The following SYK variants were observed in gnomAD, a reference collection of about 807,000 sequenced individuals.
SYK encodes spleen associated tyrosine kinase.
In SYK, 16 loss-of-function variants were observed where a neutral mutation model predicts 77.8. That is an observed-to-expected ratio of 0.21 (90% CI 0.14 to 0.31). SYK has a LOEUF of 0.31. SYK is among the 10% of genes least tolerant of loss of function. SYK has a pLI of 1.00. For missense variants in SYK, 529 were observed against 814.4 expected (o/e 0.65, Z 4.26); for synonymous variants, 312 against 308.7 (o/e 1.01, Z -0.11).
chr9:90,803,023 C>T (rs1055469820), intron 1 of SYK, among the ~76,000 whole-genome samples: 2 of 152,124 alleles, frequency 1.3e-5, no homozygotes, highest in Non-Finnish European at 2.9e-5. Context: ...TGTCCTCCTT[C>T]TCCCCAGTGA....
intron 13 of SYK, among the ~76,000 whole-genome samples, chr9:90,889,547 A>T (rs1040903677): frequency 1.3e-5 from 2 of 152,074 alleles, no homozygotes; most frequent in African/African-American, 4.8e-5. Context: ...TCCCCTCCCC[A>T]CCCTGGGAGT....
intron 3 of SYK, among the ~76,000 whole-genome samples, chr9:90,848,973 C>T (rs534294722): frequency 2.0e-5 from 3 of 152,318 alleles, no homozygotes; most frequent in Non-Finnish European, 2.9e-5. Flanking sequence ...ATGGCAAATT[C>T]GAATGCCCTG....
intron 3 of SYK, among the ~76,000 whole-genome samples, chr9:90,853,817 C>T (rs1022463516): frequency 3.3e-5 from 5 of 151,980 alleles, no homozygotes; most frequent in Admixed American, 1.3e-4. Flanking sequence ...CACATGTATA[C>T]ATATGTAACT....
intron 3 of SYK, among the ~76,000 whole-genome samples, chr9:90,854,470 G>T (rs1310337269): frequency 3.3e-5 from 5 of 152,152 alleles, no homozygotes; most frequent in Non-Finnish European, 5.9e-5. Context: ...TCCTAAAGTT[G>T]CAAGAACATC....
rs1242691261 is a variant in SYK at position 90,897,455 on chromosome 9, G to T, written c.*1855G>T. 4.3e-6 allele frequency: 1 copy of T among 232,372 alleles called. No homozygotes were observed. The highest frequency in any genetic ancestry group is 8.5e-6 in the Non-Finnish European group (1 of 117,586). The allele number at this position is 232,372 out of a possible 1,614,324, so 14.4% of individuals were successfully genotyped here. A position where few individuals can be genotyped will look rare whatever the true frequency, so the allele number is the denominator to read the frequency against. On this transcript the variant is annotated 3_prime_UTR_variant, in exon 14 of 14. Coordinates refer to ENST00000375754, the MANE Select transcript of SYK (RefSeq NM_003177.7). ...GTGTAAAATTATGAAAGGAGTGGTT[G>T]GATGTGCCAAGTTTGGTAAAGTGGT...
At chr9:90,843,690 A>G (rs1489332900) in intron 1 of SYK, among the ~76,000 whole-genome samples, 168 bp from the exon 2 acceptor site, 1 of 152,200 alleles carries the variant, frequency 6.6e-6, no homozygotes, top group Non-Finnish European at 1.5e-5. Flanking sequence ...AACTGTAATG[A>G]TGATGTGAAC....
chr9:90,894,779 T>C (rs1383317827), intron 13 of SYK, among the ~76,000 whole-genome samples: 1 of 152,272 alleles, frequency 6.6e-6, no homozygotes, highest in Non-Finnish European at 1.5e-5. Flanking sequence ...CCAACTGATC[T>C]GTACAGGATG....
Position 90,845,533 on chromosome 9 carries a change from A to C in SYK, c.517A>C (p.Ile173Leu). ...HEKMPWFHGK[I>L]SREESEQIVL... ...AAAAATGCCTTGGTTCCATGGAAAA[A>C]TCTCTCGGGAAGAATCTGAGCAAAT... The change falls in exon 3 of 14, where the codon ATC becomes CTC. Residue 173 changes from isoleucine (I) to leucine (L), a missense_variant. Around this residue, in one of 2 missense-constraint regions of SYK, gnomAD observed 321 missense variants for 433.1 expected, o/e 0.74. Coordinates refer to ENST00000375754, the MANE Select transcript of SYK (RefSeq NM_003177.7). 1 of 1,614,132 alleles carries C rather than the reference A, an allele frequency of 6.2e-7. No homozygotes were observed. The highest frequency in any genetic ancestry group is 8.5e-7 in the Non-Finnish European group (1 of 1,180,018).
rs2118887477 is a variant in SYK at position 90,877,619 on chromosome 9, C to T, written c.1230C>T (p.Asp410=). The change falls in exon 10 of 14, where the codon GAC becomes GAT. Residue 410 remains aspartate (D), a synonymous_variant. Coordinates refer to ENST00000375754, the MANE Select transcript of SYK (RefSeq NM_003177.7). ...AAATACTGAAAAACGAGGCCAATGA[C>T]CCCGCTCTTAAAGATGAGTTATTAG... ...AVKILKNEAN[D]PALKDELLAE... 2 of 1,614,222 alleles carry T rather than the reference C, an allele frequency of 1.2e-6. No individual in the cohort carries two copies.
At chr9:90,806,250 A>C (rs1824829318) in intron 1 of SYK, among the ~76,000 whole-genome samples, 1 of 152,124 alleles carries the variant, frequency 6.6e-6, no homozygotes, top group Admixed American at 6.5e-5. Context: ...CAGATATACC[A>C]AGTAATCTCA....
At chr9:90,887,405 C>CTT (rs3056951) in intron 11 of SYK, among the ~76,000 whole-genome samples, 49,033 of 128,688 alleles carry the variant, frequency 0.38, 10,009 homozygotes, top group Middle Eastern at 0.53. Context: ...TTCTTTCTTT[C>CTT]TTTTTTTTTT....
chr9:90,842,049 TG>T (rs1826380549), intron 1 of SYK, among the ~76,000 whole-genome samples: 1 of 134,798 alleles, frequency 7.4e-6, no homozygotes, highest in South Asian at 2.4e-4. Flanking sequence ...TACGTGTAGT[TG>T]GTGTGTGTGA....
chr9:90,803,265 G>C (rs555906514), intron 1 of SYK, among the ~76,000 whole-genome samples: 1 of 152,124 alleles, frequency 6.6e-6, no homozygotes, highest in Non-Finnish European at 1.5e-5. Flanking sequence ...GTATTTGAAT[G>C]AGAGATTATA....
In SYK at chr9:90,897,497, G is replaced by C. The variant is rs964151731; in HGVS notation, c.*1897G>C. ...TAAAGTGGTGACTGCATCTGAGAAA[G>C]AGGCTGTGAGGCTGAACTCTTGGTG... is the stretch of plus-strand genomic sequence containing the variant. On this transcript the variant is annotated 3_prime_UTR_variant, in exon 14 of 14. Coordinates refer to ENST00000375754, the MANE Select transcript of SYK (RefSeq NM_003177.7). The C allele has an allele frequency of 4.3e-6, 1 of 232,336 alleles. No individual in the cohort carries two copies. The highest frequency in any genetic ancestry group is 5.6e-5 in the Admixed American group (1 of 17,778). The allele number at this position is 232,336 out of a possible 1,614,324, so 14.4% of individuals were successfully genotyped here. A position where few individuals can be genotyped will look rare whatever the true frequency, so the allele number is the denominator to read the frequency against.
At chr9:90,878,629 G>T in intron 10 of SYK, 135 bp from the exon 11 acceptor site, 1 of 663,740 alleles carries the variant, frequency 1.5e-6, no homozygotes, top group Non-Finnish European at 2.6e-6. Flanking sequence ...AAAGTTATTT[G>T]TCACCACTCG....
chr9:90,861,761 G>A (rs1489724082), intron 3 of SYK, among the ~76,000 whole-genome samples: 2 of 152,308 alleles, frequency 1.3e-5, no homozygotes, highest in African/African-American at 4.8e-5. Context: ...AGGTGGTAGA[G>A]CTGTCCATCT....
At chr9:90,853,820 A>C (rs969078964) in intron 3 of SYK, among the ~76,000 whole-genome samples, 3 of 152,146 alleles carry the variant, frequency 2.0e-5, no homozygotes, top group Non-Finnish European at 4.4e-5. Flanking sequence ...ATGTATACAT[A>C]TGTAACTAAC....
At chr9:90,870,106 CAAAAAA>C (rs1032945199) in intron 7 of SYK, among the ~76,000 whole-genome samples, 3 of 150,794 alleles carry the variant, frequency 2.0e-5, no homozygotes, top group Non-Finnish European at 4.4e-5. Flanking sequence ...GTCTCAAAAA[CAAAAAA>C]AGAAAAGAAA....
At chr9:90,860,992 A>G (rs1207414818) in intron 3 of SYK, among the ~76,000 whole-genome samples, 5 of 152,116 alleles carry the variant, frequency 3.3e-5, no homozygotes, top group African/African-American at 1.2e-4. Context: ...CTCATTTTAG[A>G]AAATGCAGGG....
Sources: allele counts gnomAD v4.1 joint callset (sites outside exome capture counted in the v4.1 genomes callset), GRCh38; gene constraint gnomAD v4.1.1; regional missense constraint gnomAD v4.1.1; transcripts MANE v1.5; gene names NCBI Gene and HGNC (gene_info 2026-07-23, HGNC 2026-07-21).